The following TMEM170B variants were observed in gnomAD, a reference collection of about 807,000 sequenced individuals.
TMEM170B encodes the protein transmembrane protein 170B.
Under a neutral mutation model 13.0 loss-of-function variants are expected in TMEM170B, and 6 were observed. That is an observed-to-expected ratio of 0.46 (90% CI 0.25 to 0.91). The LOEUF is 0.91. Among genes scored for constraint, TMEM170B ranks in the 40% least tolerant of loss-of-function variants. TMEM170B has a pLI of 0.17. For missense variants in TMEM170B, 138 were observed against 165.2 expected (o/e 0.84, Z 0.90); for synonymous variants, 61 against 64.9 (o/e 0.94, Z 0.29).
intron 1 of TMEM170B, among the ~76,000 whole-genome samples, chr6:11,546,987 C>A (rs1346162123): frequency 6.6e-6 from 1 of 152,170 alleles, no homozygotes; most frequent in African/African-American, 2.4e-5. Context: ...TATATGAATG[C>A]GGTCTCTCGC....
intron 1 of TMEM170B, among the ~76,000 whole-genome samples, chr6:11,547,068 C>T (rs1759450573): frequency 6.6e-6 from 1 of 152,094 alleles, no homozygotes; most frequent in Non-Finnish European, 1.5e-5. Flanking sequence ...ACTGTAATTG[C>T]AGAAAGTGAA....
chr6:11,540,393 G>A (rs6922363), intron 1 of TMEM170B, among the ~76,000 whole-genome samples: 8,422 of 152,220 alleles, frequency 0.055, 345 homozygotes, highest in African/African-American at 0.11. Context: ...TTTCCACGGT[G>A]TTCACATGAT....
intron 2 of TMEM170B, among the ~76,000 whole-genome samples, chr6:11,571,299 A>G (rs1759798476): frequency 6.6e-6 from 1 of 151,188 alleles, no homozygotes; most frequent in Non-Finnish European, 1.5e-5. Context: ...GATCCTCCCA[A>G]CTCAGCCTCC....
At position 11,579,823 on chromosome 6, in the gene TMEM170B, T is replaced by A. The variant is rs543662336; in HGVS notation, c.*4262T>A. ...TTGACTTTCTGCTATTTGCTAATTA[T>A]TCTTCTTGAAAAGTAAGAGCGATAT... On this transcript the variant is annotated 3_prime_UTR_variant, in exon 3 of 3. Coordinates refer to ENST00000379426, the MANE Select transcript of TMEM170B (RefSeq NM_001100829.3). The A allele has an allele frequency of 2.0e-5, 3 of 152,266 alleles. No individual in the cohort carries two copies. In the South Asian group the frequency reaches 6.2e-4, roughly 32 times the overall value. The allele number at this position is 152,266 out of a possible 1,614,324, so 9.4% of individuals were successfully genotyped here. A position where few individuals can be genotyped will look rare whatever the true frequency, so the allele number is the denominator to read the frequency against.
chr6:11,547,483 C>T (rs1004276003), intron 1 of TMEM170B, among the ~76,000 whole-genome samples: 2 of 152,146 alleles, frequency 1.3e-5, no homozygotes, highest in Non-Finnish European at 2.9e-5. Context: ...ATATATGCTA[C>T]TTTTCAGTAT....
At chr6:11,548,809 A>G (rs931531127) in intron 1 of TMEM170B, among the ~76,000 whole-genome samples, 11 of 152,120 alleles carry the variant, frequency 7.2e-5, no homozygotes, top group Non-Finnish European at 1.6e-4. Flanking sequence ...CATTCTGAGC[A>G]AACTGTCGCA....
At chr6:11,543,627 G>A (rs1759391661) in intron 1 of TMEM170B, among the ~76,000 whole-genome samples, 1 of 152,078 alleles carries the variant, frequency 6.6e-6, no homozygotes, top group African/African-American at 2.4e-5. Context: ...TAACTCAGAA[G>A]GCATTTTTTC....
chr6:11,565,977 G>C, intron 2 of TMEM170B, 141 bp downstream of exon 2: 1 of 739,638 alleles, frequency 1.4e-6, no homozygotes, highest in South Asian at 1.8e-5. Context: ...CCATCTAGAA[G>C]ATAAAGATGA....
rs1320146224 is a variant in TMEM170B, at chr6:11,579,131, A to G, written c.*3570A>G. ...TGCTTCCTGATTTTAGTTGAGAGTT[A>G]GCCTGTTATCCCTCCAAATTCTCAT... is the stretch of plus-strand genomic sequence containing the variant. On this transcript the variant is annotated 3_prime_UTR_variant, in exon 3 of 3. Coordinates refer to ENST00000379426, the MANE Select transcript of TMEM170B (RefSeq NM_001100829.3). 6.6e-6 allele frequency: 1 copy of G among 152,224 alleles called. No homozygotes were observed. The highest frequency in any genetic ancestry group is 2.4e-5 in the African/African-American group (1 of 41,462). The allele number at this position is 152,224 out of a possible 1,614,324, so 9.4% of individuals were successfully genotyped here.
At chr6:11,538,745 C>T (rs925715198) in intron 1 of TMEM170B, among the ~76,000 whole-genome samples, 10 of 152,346 alleles carry the variant, frequency 6.6e-5, no homozygotes, top group East Asian at 1.9e-4. Flanking sequence ...CACATCGCTT[C>T]TTGCTATTTA....
intron 2 of TMEM170B, among the ~76,000 whole-genome samples, chr6:11,571,174 G>T: frequency 4.8e-5 from 2 of 41,454 alleles, no homozygotes; most frequent in Admixed American, 4.8e-4. Flanking sequence ...TCATATGCTT[G>T]CTTTTTTTTT....
At chr6:11,540,008 C>G (rs1759337767) in intron 1 of TMEM170B, among the ~76,000 whole-genome samples, 1 of 151,870 alleles carries the variant, frequency 6.6e-6, no homozygotes, top group South Asian at 2.1e-4. Flanking sequence ...AGCATTATGT[C>G]TGAAAAAAAA....
At chr6:11,557,367 T>C (rs528002070) in intron 1 of TMEM170B, among the ~76,000 whole-genome samples, 2 of 152,256 alleles carry the variant, frequency 1.3e-5, no homozygotes, top group African/African-American at 2.4e-5. Context: ...TAGGAAAAAA[T>C]TGGGGACACT....
chr6:11,572,613 G>A (rs1012171391), intron 2 of TMEM170B, among the ~76,000 whole-genome samples: 5 of 151,996 alleles, frequency 3.3e-5, no homozygotes, highest in Non-Finnish European at 7.4e-5. Context: ...ATTTTATTAC[G>A]TGAGTAATAT....
rs1280712188 is a variant in TMEM170B, at chr6:11,582,487, G to A, written c.*6926G>A. The stretch of plus-strand genomic sequence containing the variant: ...AATGTAAATCAGTTACTTAGTCATT[G>A]ACTGTGACAGATGACAGCTACTTTC... On this transcript the variant is annotated 3_prime_UTR_variant, in exon 3 of 3. Transcript: ENST00000379426. The A allele has an allele frequency of 1.3e-5, 2 of 151,958 alleles. No homozygotes were observed. The highest frequency in any genetic ancestry group is 2.9e-5 in the Non-Finnish European group (2 of 67,954). The allele number at this position is 151,958 out of a possible 1,614,324, so 9.4% of individuals were successfully genotyped here.
chr6:11,543,625 A>C (rs552663607), intron 1 of TMEM170B, among the ~76,000 whole-genome samples: 12 of 152,326 alleles, frequency 7.9e-5, no homozygotes, highest in African/African-American at 2.9e-4. Flanking sequence ...GTTAACTCAG[A>C]AGGCATTTTT....
chr6:11,555,187 T>G (rs1582141460), intron 1 of TMEM170B, among the ~76,000 whole-genome samples: 1 of 152,130 alleles, frequency 6.6e-6, no homozygotes, highest in East Asian at 1.9e-4. Flanking sequence ...TTTTTTCCCC[T>G]TTCAGTATTT....
intron 1 of TMEM170B, among the ~76,000 whole-genome samples, chr6:11,546,344 T>C (rs541124280): frequency 4.3e-4 from 65 of 152,254 alleles, no homozygotes; most frequent in African/African-American, 1.5e-3. Flanking sequence ...AAGCTAAATG[T>C]TATTAGAAAA....
In TMEM170B at chr6:11,580,470, C is replaced by T. The variant is rs1356578632; in HGVS notation, c.*4909C>T. 1.3e-5 allele frequency: 2 copies of T among 152,134 alleles called. No individual in the cohort carries two copies. The highest frequency in any genetic ancestry group is 6.5e-5 in the Admixed American group (1 of 15,268). The allele number at this position is 152,134 out of a possible 1,614,324, so 9.4% of individuals were successfully genotyped here. ...CAGTCTCAATCAGAATCTCTGCAGTCATTATTTGTTTTTAAGATGTGAGGG... is the reference window on the plus strand; with the variant it reads ...CAGTCTCAATCAGAATCTCTGCAGTTATTATTTGTTTTTAAGATGTGAGGG... On this transcript the variant is annotated 3_prime_UTR_variant, in exon 3 of 3. Transcript: ENST00000379426.
Sources: allele counts gnomAD v4.1 joint callset (sites outside exome capture counted in the v4.1 genomes callset), GRCh38; gene constraint gnomAD v4.1.1; transcripts MANE v1.5; gene names NCBI Gene and HGNC (gene_info 2026-07-23, HGNC 2026-07-21).